NBPF14: variants seen among roughly 807,000 people sequenced by gnomAD.
The protein encoded by NBPF14 is NBPF member 14.
A neutral mutation model predicts 91.2 loss-of-function variants in NBPF14; 104 were observed. That is an observed-to-expected ratio of 1.14 (90% confidence interval 0.97 to 1.34). NBPF14 has a LOEUF of 1.34. NBPF14 is among the 40% of genes most tolerant of loss of function. The pLI, the probability that NBPF14 is intolerant of heterozygous loss-of-function variation, is 0.00. For synonymous variants in NBPF14, 294 were observed against 303.8 expected, an observed-to-expected ratio of 0.97 and a Z score of 0.34; for missense variants, 908 against 783.0, an observed-to-expected ratio of 1.16 and a Z score of -1.91.
chr1:148,535,964 T>C (rs1478984872), intron 67 of NBPF14, among the ~76,000 whole-genome samples: 1 of 150,726 alleles, frequency 6.6e-6, no homozygotes, highest in East Asian at 2.0e-4. Flanking sequence ...ATTTGTCACA[T>C]CTGCCCAGAT....
At chr1:148,590,296 A>T (rs1440736677) in intron 6 of NBPF14, among the ~76,000 whole-genome samples, 6 of 140,104 alleles carry the variant, frequency 4.3e-5, no homozygotes, top group Non-Finnish European at 6.3e-5. Context: ...TGACCTCATG[A>T]TCCACCCGCC....
chr1:148,534,997 T>A lies in NBPF14; in HGVS notation c.8442-141A>T, dbSNP rs1259914449. ...TTAATGAGGTAACGAATTATTGCCT[T>A]TATGTTGGGATAGACCAGGGCCAGG... On this transcript the variant is annotated intron_variant, in intron 68 of 70. Transcript: ENST00000619423. The A allele has an allele frequency of 8.3e-5, 59 of 712,590 alleles. No homozygotes were observed. In the African/African-American group the frequency reaches 1.0e-3, roughly 12 times the overall value. 44.1% of individuals were successfully genotyped at this position (712,590 alleles called of 1,614,324 possible).
exon 2 of NBPF14, chr1:148,595,584 G>T (rs1300039745): frequency 1.9e-6 from 3 of 1,581,506 alleles, no homozygotes; most frequent in Non-Finnish European, 2.6e-6. Context: ...GGCCAGTTGA[G>T]TTAGAAAACA....
At chr1:148,535,366 T>C (rs1353125304) in intron 68 of NBPF14, 87 bp downstream of exon 68, 4 of 563,606 alleles carry the variant, frequency 7.1e-6, no homozygotes, top group Non-Finnish European at 1.2e-5. Context: ...GCTGAAAACA[T>C]GAAATTGAAC....
In NBPF14 at chr1:148,566,149, C is replaced by T. The variant is rs1280458721; in HGVS notation, c.3709G>A (p.Val1237Met). ...TTCATAGAAAGGTACTCACCTCCCA[C>T]GTCAAGAGAAAAGCCAACATGTTTT... The change falls in exon 29 of 71, where the codon GTG (valine) becomes ATG (methionine). Residue 1237 changes from valine to methionine, a missense_variant. Around this residue, in one of 13 missense-constraint regions of NBPF14, gnomAD observed 447 missense variants for 189.1 expected, o/e 2.36. Coordinates refer to ENST00000619423, the Ensembl canonical transcript of NBPF14. The T allele has an allele frequency of 6.5e-5, 33 of 509,662 alleles. 2 individuals are homozygous for T. The highest frequency in any genetic ancestry group is 1.7e-4 in the African/African-American group (5 of 29,138). The allele number at this position is 509,662 out of a possible 1,614,324, so 31.6% of individuals were successfully genotyped here.
rs1364312660 is a variant in NBPF14 at position 148,591,353 on chromosome 1, T to C, written c.566+79A>G. Reference sequence around the variant, plus strand: ...GGGAATGCGGGCATTTGGCCCATCATAGATGCCAGAGAGGGTGTGCCTCCT... The same window carrying C: ...GGGAATGCGGGCATTTGGCCCATCACAGATGCCAGAGAGGGTGTGCCTCCT... On this transcript the variant is annotated intron_variant, in intron 5 of 70. Transcript: ENST00000619423. The C allele has an allele frequency of 3.0e-5, 44 of 1,474,524 alleles. 1 individual carries two copies. Among genetic ancestry groups the C allele is most frequent in the South Asian group, 1.8e-4 (16 of 86,926 alleles). The allele number at this position is 1,474,524 out of a possible 1,614,324, so 91.3% of individuals were successfully genotyped here. A position where few individuals can be genotyped will look rare whatever the true frequency, so the allele number is the denominator to read the frequency against.
rs1423597070 is a variant in NBPF14 at position 148,591,321 on chromosome 1, T to C, written c.566+111A>G. 2.4e-4 allele frequency: 347 copies of C among 1,439,402 alleles called. 6 individuals are homozygous for C. The highest frequency in any genetic ancestry group is 1.8e-3 in the East Asian group (78 of 44,412). The allele number at this position is 1,439,402 out of a possible 1,614,324, so 89.2% of individuals were successfully genotyped here. On this transcript the variant is annotated intron_variant, in intron 5 of 70. Transcript: ENST00000619423. ...AAGCTGGGTTGAATTTCACATACTGTGGCCAAGGGAATGCGGGCATTTGGC... is the reference window on the plus strand; with the variant it reads ...AAGCTGGGTTGAATTTCACATACTGCGGCCAAGGGAATGCGGGCATTTGGC...
Position 148,559,672 on chromosome 1 carries a change from C to T in NBPF14, c.4729+121G>A, listed in dbSNP as rs1173774926. 311 of 641,914 alleles carry T rather than the reference C, an allele frequency of 4.8e-4. 17 individuals carry two copies. Among genetic ancestry groups the T allele is most frequent in the African/African-American group, 3.4e-3 (118 of 34,736 alleles). 39.8% of individuals were successfully genotyped at this position (641,914 alleles called of 1,614,324 possible). A position where few individuals can be genotyped will look rare whatever the true frequency, so the allele number is the denominator to read the frequency against. On this transcript the variant is annotated intron_variant, in intron 37 of 70. Coordinates refer to ENST00000619423, the Ensembl canonical transcript of NBPF14. ...TAGAGTTTCATTCAACCTACATGTG[C>T]CTATAGGTCCTCCCTGTGGCAATGA...
chr1:148,560,000 G>T (rs1342696292), intron 36 of NBPF14, 35 bp from the exon 37 acceptor site: 6 of 939,388 alleles, frequency 6.4e-6, no homozygotes, highest in African/African-American at 2.2e-5. Flanking sequence ...AATAAGCCAG[G>T]GGGAATCAGA....
At chr1:148,583,868 C>CCA (rs1481126552) in intron 11 of NBPF14, among the ~76,000 whole-genome samples, 2 of 70,042 alleles carry the variant, frequency 2.9e-5, no homozygotes, top group Non-Finnish European at 4.6e-5. Flanking sequence ...GACTCCATTG[C>CCA]AAAAAAAAAA....
chr1:148,532,988 G>C, exon 71 of NBPF14: 1 of 580,184 alleles, frequency 1.7e-6, no homozygotes, highest in South Asian at 2.0e-5. Context: ...GACATCTCTC[G>C]GATTACTAAG....
intron 36 of NBPF14, among the ~76,000 whole-genome samples, chr1:148,560,249 G>A (rs1657575167): frequency 2.0e-5 from 3 of 149,020 alleles, no homozygotes; most frequent in South Asian, 4.3e-4. Flanking sequence ...GGGAGTCAAA[G>A]GACACTCTGA....
At chr1:148,535,475 C>T in exon 68 of NBPF14, 1 of 464,138 alleles carries the variant, frequency 2.2e-6, no homozygotes, top group Non-Finnish European at 3.6e-6. Flanking sequence ...GGGTCTTGGT[C>T]TTCTTCCACT....
rs1427221317 is a variant in NBPF14 at position 148,583,768 on chromosome 1, C to A, written c.1586-576G>T. 5.5e-5 allele frequency among the ~76,000 whole-genome samples: 3 copies of A among 54,336 alleles called. 1 individual carries two copies. Among genetic ancestry groups the A allele is most frequent in the Non-Finnish European group, 8.6e-5 (3 of 34,874 alleles). 35.6% of individuals were successfully genotyped at this position (54,336 alleles called of 152,430 possible). ...CCTGTGGTCCCAGCAACTCAGGAGG[C>A]TGAGGCAGGAGAATCACTTGAATCT... On this transcript the variant is annotated intron_variant, in intron 11 of 70. Transcript: ENST00000619423.
chr1:148,566,506 C>CAG (rs1295532109), intron 28 of NBPF14, among the ~76,000 whole-genome samples, 191 bp from the exon 29 acceptor site: 3 of 93,558 alleles, frequency 3.2e-5, no homozygotes, highest in Admixed American at 2.8e-4. Context: ...AAGAGAAAGA[C>CAG]AGACACACAC....
intron 14 of NBPF14, among the ~76,000 whole-genome samples, chr1:148,577,688 G>C (rs1415672402): frequency 1.4e-5 from 2 of 147,054 alleles, no homozygotes; most frequent in African/African-American, 2.6e-5. Context: ...CAGTGATCAT[G>C]AAAAGCATGT....
intron 69 of NBPF14, among the ~76,000 whole-genome samples, chr1:148,534,331 T>C (rs1415366661): frequency 2.6e-5 from 4 of 151,836 alleles, no homozygotes; most frequent in Admixed American, 6.6e-5. Context: ...AGATTGTTCA[T>C]GGTAGTGAGG....
intron 69 of NBPF14, among the ~76,000 whole-genome samples, chr1:148,534,203 T>C (rs1654442986): frequency 6.6e-6 from 1 of 150,662 alleles, no homozygotes; most frequent in Admixed American, 6.8e-5. Context: ...CCCAATATCA[T>C]TTGTCCCAAG....
At chr1:148,577,808 A>G (rs1660201981) in intron 14 of NBPF14, among the ~76,000 whole-genome samples, 175 bp downstream of exon 14, 1 of 138,998 alleles carries the variant, frequency 7.2e-6, no homozygotes, top group Non-Finnish European at 1.5e-5. Context: ...TAAGGGTAGG[A>G]AGAAATGGAA....
Sources: allele counts gnomAD v4.1 joint callset (sites outside exome capture counted in the v4.1 genomes callset), GRCh38; gene constraint gnomAD v4.1.1; regional missense constraint gnomAD v4.1.1; transcripts MANE v1.5; gene names NCBI Gene and HGNC (gene_info 2026-07-23, HGNC 2026-07-21).